ZNF737: variants seen among roughly 807,000 people sequenced by gnomAD.
ZNF737 encodes the protein zinc finger protein 737.
Under a neutral mutation model 11.7 loss-of-function variants are expected in ZNF737, and 13 were observed. That is an observed-to-expected ratio of 1.11 (90% CI 0.73 to 1.77). ZNF737 has a LOEUF of 1.77. Among genes scored for constraint, ZNF737 ranks in the 40% most tolerant of loss-of-function variants. The pLI, the probability that ZNF737 is intolerant of heterozygous loss-of-function variation, is 0.00. For synonymous variants in ZNF737, 217 were observed against 216.2 expected, an observed-to-expected ratio of 1.00 and a Z score of -0.03; for missense variants, 636 against 638.0, an observed-to-expected ratio of 1.00 and a Z score of 0.03.
At position 20,542,269 on chromosome 19, in the gene ZNF737, C is replaced by T. The variant is rs1371451842; in HGVS notation, c.*2323G>A. The T allele has an allele frequency of 9.5e-5, 84 of 883,868 alleles. No individual in the cohort carries two copies. The highest frequency in any genetic ancestry group is 1.2e-4 in the Admixed American group (2 of 16,122). 54.8% of individuals were successfully genotyped at this position (883,868 alleles called of 1,614,324 possible). A position where few individuals can be genotyped will look rare whatever the true frequency, so the allele number is the denominator to read the frequency against. ...TTGAGACAGAGTTTTGCTCTTGTTG[C>T]CCAGACTGGAGTGCAATCGCACAAT... On this transcript the variant is annotated 3_prime_UTR_variant, in exon 4 of 4. Coordinates refer to ENST00000427401, the MANE Select transcript of ZNF737 (RefSeq NM_001159293.2).
intron 1 of ZNF737, among the ~76,000 whole-genome samples, chr19:20,560,120 T>C (rs1390027351): frequency 9.2e-5 from 13 of 141,696 alleles, no homozygotes; most frequent in African/African-American, 2.9e-4. Context: ...GAGCCGAGAT[T>C]GCGCCACTGC....
chr19:20,558,266 CAG>C (rs1400951078), intron 1 of ZNF737, among the ~76,000 whole-genome samples: 2 of 137,596 alleles, frequency 1.5e-5, no homozygotes, highest in African/African-American at 2.8e-5. Flanking sequence ...GCCTGGGTGA[CAG>C]AGACTCCGTC....
At position 20,539,245 on chromosome 19, in the gene ZNF737, G is replaced by T; in HGVS notation, c.*5347C>A. 1.1e-6 allele frequency: 1 copy of T among 891,944 alleles called. No homozygotes were observed. Among genetic ancestry groups the T allele is most frequent in the Non-Finnish European group, 1.3e-6 (1 of 745,258 alleles). 55.3% of individuals were successfully genotyped at this position (891,944 alleles called of 1,614,324 possible). ...GTGGAGGTTGCAGTGAGCTGAGCACGTACCATTGCAGTGCAGCGTGAGTGA... is the reference window on the plus strand; with the variant it reads ...GTGGAGGTTGCAGTGAGCTGAGCACTTACCATTGCAGTGCAGCGTGAGTGA... On this transcript the variant is annotated 3_prime_UTR_variant, in exon 4 of 4. Coordinates refer to ENST00000427401, the MANE Select transcript of ZNF737 (RefSeq NM_001159293.2).
At chr19:20,530,977 G>T (rs1446912635), downstream of ZNF737, among the ~76,000 whole-genome samples, 5 of 149,264 alleles carry the variant, frequency 3.3e-5, 1 homozygote, top group Admixed American at 3.3e-4. Context: ...TGCAATCCTG[G>T]CACCTCAGGA....
chr19:20,543,045 G>A lies in ZNF737; in HGVS notation c.*1547C>T, dbSNP rs1968283099. ...TTTATATTCAATGCTCTGATTTAGT[G>A]TAATGTCTGAAGTGTCGGGGCCTTA... On this transcript the variant is annotated 3_prime_UTR_variant, in exon 4 of 4. Transcript: ENST00000427401. The A allele has an allele frequency of 2.0e-6, 2 of 985,000 alleles. No individual in the cohort carries two copies. Among genetic ancestry groups the A allele is most frequent in the Non-Finnish European group, 2.4e-6 (2 of 829,686 alleles). 61.0% of individuals were successfully genotyped at this position (985,000 alleles called of 1,614,324 possible).
Position 20,542,983 on chromosome 19 carries a change from A to T in ZNF737, c.*1609T>A. On this transcript the variant is annotated 3_prime_UTR_variant, in exon 4 of 4. Transcript: ENST00000427401. ...ATCTACTCCTTTTAAAGTTAAATAG[A>T]AATCATTTACCTAAAAACTGCAGTT... 1 of 984,910 alleles carries T rather than the reference A, an allele frequency of 1.0e-6. No homozygotes were observed. The highest frequency in any genetic ancestry group is 1.2e-6 in the Non-Finnish European group (1 of 829,466). The allele number at this position is 984,910 out of a possible 1,614,324, so 61.0% of individuals were successfully genotyped here. A position where few individuals can be genotyped will look rare whatever the true frequency, so the allele number is the denominator to read the frequency against.
At chr19:20,549,125 A>G (rs1968575105) in intron 3 of ZNF737, among the ~76,000 whole-genome samples, 1 of 152,136 alleles carries the variant, frequency 6.6e-6, no homozygotes, top group Non-Finnish European at 1.5e-5. Flanking sequence ...ACCATCAAAA[A>G]TCAGCTAAGA....
chr19:20,555,204 A>G (rs1555760511), intron 1 of ZNF737, among the ~76,000 whole-genome samples: 1 of 136,288 alleles, frequency 7.3e-6, no homozygotes, highest in Admixed American at 7.5e-5. Context: ...TTTTTTTGAT[A>G]TGGAAAATCA....
rs1057349231 is a variant in ZNF737 at position 20,546,078 on chromosome 19, G to A, written c.227-102C>T. Reference sequence around the variant, plus strand: ...ATTATACAAACTACATAAGCAAGATGACACAGCAAAATACCACAAACTGTA... The same window carrying A: ...ATTATACAAACTACATAAGCAAGATAACACAGCAAAATACCACAAACTGTA... On this transcript the variant is annotated intron_variant, in intron 3 of 3. Coordinates refer to ENST00000427401, the MANE Select transcript of ZNF737 (RefSeq NM_001159293.2). 7 of 1,346,738 alleles carry A rather than the reference G, an allele frequency of 5.2e-6. No individual in the cohort carries two copies. The African/African-American group carries it at 6.0e-5, about 12-fold the overall frequency. The allele number at this position is 1,346,738 out of a possible 1,614,324, so 83.4% of individuals were successfully genotyped here.
In ZNF737 at chr19:20,539,151, A is replaced by C; in HGVS notation, c.*5441T>G. 1.8e-6 allele frequency: 1 copy of C among 559,142 alleles called. No homozygotes were observed. Among genetic ancestry groups the C allele is most frequent in the East Asian group, 1.5e-4 (1 of 6,814 alleles). The allele number at this position is 559,142 out of a possible 1,614,324, so 34.6% of individuals were successfully genotyped here. On this transcript the variant is annotated 3_prime_UTR_variant, in exon 4 of 4. Coordinates refer to ENST00000427401, the MANE Select transcript of ZNF737 (RefSeq NM_001159293.2). ...TCTCTACTACAAAAATTATCCGGGC[A>C]TAATGGCGGGTGCCTGTTATCCCAG... is the stretch of plus-strand genomic sequence containing the variant.
Position 20,542,856 on chromosome 19 carries a change from A to G in ZNF737, c.*1736T>C, listed in dbSNP as rs1764070612. On this transcript the variant is annotated 3_prime_UTR_variant, in exon 4 of 4. Transcript: ENST00000427401. ...TCTCACATGTGAATAGAAATAAAAT[A>G]ACAGCATAATTTGAAAGCTGTATTA... 17 of 985,284 alleles carry G rather than the reference A, an allele frequency of 1.7e-5. No individual in the cohort carries two copies. Among genetic ancestry groups the G allele is most frequent in the Non-Finnish European group, 2.0e-5 (17 of 829,788 alleles). 61.0% of individuals were successfully genotyped at this position (985,284 alleles called of 1,614,324 possible).
Position 20,545,281 on chromosome 19 carries a change from T to C in ZNF737, c.922A>G (p.Ser308Gly). 1.2e-6 allele frequency: 2 copies of C among 1,613,290 alleles called. No individual in the cohort carries two copies. Among genetic ancestry groups the C allele is most frequent in the Non-Finnish European group, 1.7e-6 (2 of 1,179,672 alleles). ...SILTAHKIIHSGEKPYKCEEC... is the reference protein window; with the variant it reads ...SILTAHKIIHGGEKPYKCEEC... Reference sequence around the variant, plus strand: ...TCACATTTGTAGGGTTTCTCTCCGCTATGAATTATCTTATGCGCAGTAAGG... The same window carrying C: ...TCACATTTGTAGGGTTTCTCTCCGCCATGAATTATCTTATGCGCAGTAAGG... Residue 308 changes from serine to glycine, a missense_variant, in exon 4 of 4, where the codon AGC (serine) becomes GGC (glycine). Coordinates refer to ENST00000427401, the MANE Select transcript of ZNF737 (RefSeq NM_001159293.2).
Position 20,539,403 on chromosome 19 carries a change from A to G in ZNF737, c.*5189T>C. 1 of 985,456 alleles carries G rather than the reference A, an allele frequency of 1.0e-6. No homozygotes were observed. The highest frequency in any genetic ancestry group is 1.7e-5 in the African/African-American group (1 of 57,374). 61.0% of individuals were successfully genotyped at this position (985,456 alleles called of 1,614,324 possible). A position where few individuals can be genotyped will look rare whatever the true frequency, so the allele number is the denominator to read the frequency against. On this transcript the variant is annotated 3_prime_UTR_variant, in exon 4 of 4. Transcript: ENST00000427401. ...TTTCAGATTTCAAAAGGTCAAAAAC[A>G]ATCATTGAGCAAAGCTTAAATCTTG...
Position 20,541,227 on chromosome 19 carries a change from C to T in ZNF737, c.*3365G>A, listed in dbSNP as rs1429848867. 1.4e-5 allele frequency: 14 copies of T among 983,866 alleles called. No homozygotes were observed. The highest frequency in any genetic ancestry group is 1.7e-5 in the Non-Finnish European group (14 of 828,704). 60.9% of individuals were successfully genotyped at this position (983,866 alleles called of 1,614,324 possible). A position where few individuals can be genotyped will look rare whatever the true frequency, so the allele number is the denominator to read the frequency against. ...ATAATTTGTTTTGTTGCAGTAATTG[C>T]TTTTATTCTGAAAATATGTACAAAC... On this transcript the variant is annotated 3_prime_UTR_variant, in exon 4 of 4. Coordinates refer to ENST00000427401, the MANE Select transcript of ZNF737 (RefSeq NM_001159293.2).
chr19:20,552,103 C>T (rs999112535), intron 3 of ZNF737, among the ~76,000 whole-genome samples: 1 of 151,886 alleles, frequency 6.6e-6, no homozygotes, highest in Non-Finnish European at 1.5e-5. Flanking sequence ...TACTCTCACA[C>T]ATCAGACCTG....
downstream of ZNF737, among the ~76,000 whole-genome samples, chr19:20,531,100 C>T (rs1207660541): frequency 9.6e-5 from 14 of 146,460 alleles, no homozygotes; most frequent in Middle Eastern, 3.7e-3. Flanking sequence ...TGGCGGCGCG[C>T]GCCTGCAATC....
At chr19:20,532,044 C>T (rs1260453475), downstream of ZNF737, among the ~76,000 whole-genome samples, 1 of 150,136 alleles carries the variant, frequency 6.7e-6, no homozygotes, top group South Asian at 2.2e-4. Flanking sequence ...CAACAAAGCT[C>T]TATCTTCAAA....
At chr19:20,530,355 G>C in the ZNF737 span, among the ~76,000 whole-genome samples, 1 of 146,256 alleles carries the variant, frequency 6.8e-6, no homozygotes, top group Admixed American at 6.7e-5. Context: ...TGGCCGGGCG[G>C]GGGGCTGACC....
intron 1 of ZNF737, among the ~76,000 whole-genome samples, chr19:20,554,725 G>A (rs1968819919): frequency 6.6e-6 from 1 of 152,092 alleles, no homozygotes; most frequent in Non-Finnish European, 1.5e-5. Context: ...TCAAAATACA[G>A]ATAACTCCTG....
Sources: allele counts gnomAD v4.1 joint callset (sites outside exome capture counted in the v4.1 genomes callset), GRCh38; gene constraint gnomAD v4.1.1; transcripts MANE v1.5; gene names NCBI Gene and HGNC (gene_info 2026-07-23, HGNC 2026-07-21).